The following PTPRD variants were observed in gnomAD, a reference collection of about 807,000 sequenced individuals.
PTPRD encodes the protein protein tyrosine phosphatase receptor type D, also known as receptor-type tyrosine-protein phosphatase delta.
A neutral mutation model predicts 214.5 loss-of-function variants in PTPRD; 34 were observed. That is an observed-to-expected ratio of 0.16 (90% CI 0.12 to 0.21). The LOEUF is 0.21. PTPRD is among the 10% of genes least tolerant of loss of function. PTPRD has a pLI of 1.00. For missense variants in PTPRD, 2,545 were observed against 2,398.7 expected (o/e 1.06, Z -1.27); for synonymous variants, 1,128 against 845.7 (o/e 1.33, Z -5.79).
intron 3 of PTPRD, among the ~76,000 whole-genome samples, chr9:10,261,035 A>ATATGTATATATG: frequency 8.6e-6 from 1 of 116,094 alleles, no homozygotes; most frequent in African/African-American, 2.8e-5. Context: ...TATATTATAT[A>ATATGTATATATG]TGTGTATATA....
chr9:9,472,345 A>AG (rs1274125399), intron 8 of PTPRD, among the ~76,000 whole-genome samples: 1 of 151,572 alleles, frequency 6.6e-6, no homozygotes, highest in African/African-American at 2.4e-5. Flanking sequence ...CTGGGACTAC[A>AG]GGCGCCCGCC....
chr9:9,577,191 A>G (rs879748839), intron 7 of PTPRD, among the ~76,000 whole-genome samples: 11 of 152,198 alleles, frequency 7.2e-5, no homozygotes, highest in Non-Finnish European at 1.2e-4. Flanking sequence ...AGGTCAAAGC[A>G]GAAATACAGT....
intron 2 of PTPRD, among the ~76,000 whole-genome samples, chr9:10,458,156 C>A (rs896858909): frequency 6.6e-6 from 1 of 152,124 alleles, no homozygotes; most frequent in Admixed American, 6.6e-5. Flanking sequence ...TCCTTCTTAA[C>A]TTCTTCCATA....
At chr9:9,261,299 A>G (rs2099980009) in intron 9 of PTPRD, among the ~76,000 whole-genome samples, 1 of 151,808 alleles carries the variant, frequency 6.6e-6, no homozygotes, top group African/African-American at 2.4e-5. Context: ...ATTTTATTTT[A>G]TGGGACCACA....
chr9:8,351,613 G>C (rs1278882860), intron 39 of PTPRD, among the ~76,000 whole-genome samples: 4 of 152,010 alleles, frequency 2.6e-5, no homozygotes, highest in South Asian at 2.1e-4. Flanking sequence ...TCAGAAGTCT[G>C]GGTGATGTTG....
chr9:9,910,241 G>A (rs997826086), intron 5 of PTPRD, among the ~76,000 whole-genome samples: 25 of 151,928 alleles, frequency 1.6e-4, no homozygotes, highest in African/African-American at 6.0e-4. Context: ...TTATTGTAGA[G>A]TTTCATGCAA....
chr9:8,769,249 ATTTC>A (rs566256985), intron 11 of PTPRD, among the ~76,000 whole-genome samples: 167 of 152,312 alleles, frequency 1.1e-3, no homozygotes, highest in South Asian at 6.6e-3. Flanking sequence ...TTCATTCGGA[ATTTC>A]TTTATTTACT....
intron 12 of PTPRD, among the ~76,000 whole-genome samples, chr9:8,657,164 C>CTTT (rs749246223): frequency 8.1e-5 from 10 of 123,088 alleles, no homozygotes; most frequent in Non-Finnish European, 1.5e-4. Flanking sequence ...CTTTTGCCCA[C>CTTT]TTTTTTTTTT....
intron 9 of PTPRD, among the ~76,000 whole-genome samples, chr9:9,270,302 T>C (rs1942298899): frequency 6.6e-6 from 1 of 151,336 alleles, no homozygotes; most frequent in Non-Finnish European, 1.5e-5. Context: ...TAATCACTGA[T>C]GACATAAAGA....
chr9:10,207,352 T>C (rs892584671), intron 3 of PTPRD, among the ~76,000 whole-genome samples: 1 of 152,164 alleles, frequency 6.6e-6, no homozygotes, highest in African/African-American at 2.4e-5. Context: ...TCTGCATTTA[T>C]GTTCATGAGA....
intron 9 of PTPRD, among the ~76,000 whole-genome samples, chr9:9,385,483 T>C (rs1200541639): frequency 3.9e-5 from 6 of 152,160 alleles, no homozygotes; most frequent in Non-Finnish European, 8.8e-5. Flanking sequence ...GGGTCAGTAA[T>C]CACAGGAAAC....
intron 3 of PTPRD, among the ~76,000 whole-genome samples, chr9:10,042,483 G>A (rs2097314002): frequency 6.6e-6 from 1 of 151,868 alleles, no homozygotes; most frequent in African/African-American, 2.4e-5. Context: ...CTGCTCTAGG[G>A]TAGAATTCCA....
At chr9:9,852,713 T>C (rs2060778006) in intron 5 of PTPRD, among the ~76,000 whole-genome samples, 1 of 152,206 alleles carries the variant, frequency 6.6e-6, no homozygotes, top group Non-Finnish European at 1.5e-5. Context: ...TTATTCAACA[T>C]TTATTGTGTA....
chr9:9,672,973 G>C (rs145714739), intron 7 of PTPRD, among the ~76,000 whole-genome samples: 85 of 152,032 alleles, frequency 5.6e-4, no homozygotes, highest in African/African-American at 1.9e-3. Context: ...TGTTAACTAA[G>C]AGACAGACAC....
At chr9:9,730,541 A>G (rs1453119765) in intron 7 of PTPRD, among the ~76,000 whole-genome samples, 2 of 152,172 alleles carry the variant, frequency 1.3e-5, no homozygotes, top group Non-Finnish European at 2.9e-5. Context: ...CAATAACTAT[A>G]TAAGTACAAA....
At chr9:8,569,428 G>A (rs143785130) in intron 14 of PTPRD, among the ~76,000 whole-genome samples, 97 of 152,206 alleles carry the variant, frequency 6.4e-4, no homozygotes, top group African/African-American at 2.1e-3. Context: ...GAGAGGGGAA[G>A]AACTTTACTA....
chr9:9,075,466 G>T (rs569404912), intron 10 of PTPRD, among the ~76,000 whole-genome samples: 1 of 151,902 alleles, frequency 6.6e-6, no homozygotes, highest in African/African-American at 2.4e-5. Flanking sequence ...CAACGTGCAG[G>T]TTTGTTACAT....
intron 3 of PTPRD, among the ~76,000 whole-genome samples, chr9:10,272,933 G>C (rs1174396968): frequency 6.6e-6 from 1 of 152,176 alleles, no homozygotes; most frequent in Non-Finnish European, 1.5e-5. Context: ...TTGTCCATCA[G>C]TATTCTGTCT....
At chr9:8,368,636 CTT>C (rs1470215568) in intron 39 of PTPRD, among the ~76,000 whole-genome samples, 17 of 146,782 alleles carry the variant, frequency 1.2e-4, no homozygotes, top group Non-Finnish European at 2.2e-4. Flanking sequence ...GAGTTTTACA[CTT>C]TATACCTACT....
Sources: allele counts gnomAD v4.1 joint callset (sites outside exome capture counted in the v4.1 genomes callset), GRCh38; gene constraint gnomAD v4.1.1; transcripts MANE v1.5; gene names NCBI Gene and HGNC (gene_info 2026-07-23, HGNC 2026-07-21).